C19orf44: variants seen among roughly 807,000 people sequenced by gnomAD.
The protein encoded by C19orf44 is chromosome 19 open reading frame 44.
A neutral mutation model predicts 50.7 loss-of-function variants in C19orf44; 43 were observed. The ratio of observed to expected loss-of-function variants is 0.85; its 90% confidence interval spans 0.66 to 1.09. The LOEUF is 1.09. C19orf44 is among the 50% of genes least tolerant of loss of function. The probability of loss-of-function intolerance (pLI) is 0.00; values close to 1 mark genes in which losing one functional copy is unlikely to be tolerated. For missense variants in C19orf44, 722 were observed against 836.2 expected (o/e 0.86, Z 1.68); for synonymous variants, 298 against 334.7 (o/e 0.89, Z 1.20).
chr19:16,511,635 C>T (rs1198047911), intron 5 of C19orf44, among the ~76,000 whole-genome samples: 4 of 151,560 alleles, frequency 2.6e-5, no homozygotes, highest in African/African-American at 4.8e-5. Flanking sequence ...GGCTGGAGTG[C>T]GGTGGCACAA....
intron 8 of C19orf44, among the ~76,000 whole-genome samples, chr19:16,517,723 G>T (rs1398610242): frequency 6.6e-6 from 1 of 152,208 alleles, no homozygotes; most frequent in African/African-American, 2.4e-5. Flanking sequence ...CAGGGTGGAT[G>T]GGAGAAGCCC....
chr19:16,513,493 C>T (rs1196924949), intron 6 of C19orf44, among the ~76,000 whole-genome samples: 1 of 152,156 alleles, frequency 6.6e-6, no homozygotes, highest in Admixed American at 6.5e-5. Context: ...AAGCGATTCT[C>T]CTGCCTCAGC....
At position 16,496,408 on chromosome 19, in the gene C19orf44, C is replaced by CAGG; in HGVS notation, c.-59_-58insAGG. 2.0e-6 allele frequency: 1 copy of CAGG among 493,816 alleles called. No homozygotes were observed. The highest frequency in any genetic ancestry group is 3.7e-6 in the Non-Finnish European group (1 of 271,186). 30.6% of individuals were successfully genotyped at this position (493,816 alleles called of 1,614,324 possible). The stretch of plus-strand genomic sequence containing the variant: ...GCTCTGGCTCTGTTGCCCAGGGCAA[C>CAGG]CGCTCCTTCAGGCGTGAATGTGGCG... On this transcript the variant is annotated 5_prime_UTR_variant, in exon 1 of 9. Coordinates refer to ENST00000221671, the MANE Select transcript of C19orf44 (RefSeq NM_032207.4).
Position 16,519,710 on chromosome 19 carries a change from G to A in C19orf44, c.*41-384G>A. 1 of 1,613,342 alleles carries A rather than the reference G, an allele frequency of 6.2e-7. No individual in the cohort carries two copies. Among genetic ancestry groups the A allele is most frequent in the South Asian group, 1.1e-5 (1 of 91,062 alleles). ...CGCCGAATTAGAACCCAGACCAGCA[G>A]AGGAACTAAAATCGAGACAGGTTAT... On this transcript the variant is annotated intron_variant, in intron 8 of 8. Transcript: ENST00000221671. The surrounding 1 kb of genome is among the most constrained non-coding windows in gnomAD (Gnocchi z 6.0).
intron 7 of C19orf44, among the ~76,000 whole-genome samples, chr19:16,516,562 T>C (rs888811712): frequency 6.6e-6 from 1 of 152,242 alleles, no homozygotes; most frequent in Non-Finnish European, 1.5e-5. Context: ...CTATCCGATA[T>C]GTCCTTTGAG....
chr19:16,503,746 G>A (rs142040182), intron 3 of C19orf44, among the ~76,000 whole-genome samples: 76 of 152,244 alleles, frequency 5.0e-4, no homozygotes, highest in South Asian at 3.3e-3. Context: ...TGTACTCTTT[G>A]TGGAGACCAG....
intron 6 of C19orf44, among the ~76,000 whole-genome samples, chr19:16,513,516 T>C (rs1174757258): frequency 6.6e-6 from 1 of 152,094 alleles, no homozygotes; most frequent in Admixed American, 6.6e-5. Context: ...CCCGAGTAGC[T>C]GGGATTACAG....
chr19:16,516,296 T>TAA (rs1228571889), intron 7 of C19orf44, among the ~76,000 whole-genome samples: 4 of 151,978 alleles, frequency 2.6e-5, no homozygotes, highest in Non-Finnish European at 4.4e-5. Context: ...AAAACTAGTT[T>TAA]AAGTTTAGCA....
chr19:16,509,355 T>C, intron 4 of C19orf44, 144 bp from the exon 5 acceptor site: 1 of 1,117,482 alleles, frequency 8.9e-7, no homozygotes, highest in Non-Finnish European at 1.3e-6. Flanking sequence ...TTTAGAATAC[T>C]CCGTGCCCAC....
Position 16,503,392 on chromosome 19 carries a change from C to T in C19orf44, c.1075+12C>T. On this transcript the variant is annotated intron_variant, in intron 3 of 8. Transcript: ENST00000221671. ...TGACAGCCTCGACGGTAATCCCAGT[C>T]CCGGTGCAAAGCCAGTACCTTGGGC... 5 of 1,600,422 alleles carry T rather than the reference C, an allele frequency of 3.1e-6. No individual in the cohort carries two copies. The Admixed American group carries it at 8.4e-5, about 27-fold the overall frequency.
At chr19:16,508,020 T>C (rs1202002375) in intron 4 of C19orf44, among the ~76,000 whole-genome samples, 5 of 151,176 alleles carry the variant, frequency 3.3e-5, no homozygotes, top group African/African-American at 7.3e-5. Context: ...TTAGCCAGGA[T>C]AGTCTCGATC....
At position 16,501,058 on chromosome 19, in the gene C19orf44, G is replaced by A. The variant is rs139101226; in HGVS notation, c.266G>A (p.Arg89Gln). Residue 89 changes from arginine (R) to glutamine (Q), a missense_variant, in exon 2 of 9, where the codon CGA becomes CAA. Physicochemically the swap from Arg to Gln is conservative, Grantham distance 43. Transcript: ENST00000221671. ...CRPPTTASRI[R>Q]ANAALMKLAQ... Reference sequence around the variant, plus strand: ...CCGCCCACCACTGCCTCCAGGATCCGAGCCAATGCCGCACTCATGAAGCTG... The same window carrying A: ...CCGCCCACCACTGCCTCCAGGATCCAAGCCAATGCCGCACTCATGAAGCTG... The A allele has an allele frequency of 6.2e-6, 10 of 1,613,982 alleles. No individual in the cohort carries two copies. The African/African-American group carries it at 1.3e-4, about 22-fold the overall frequency.
Position 16,509,880 on chromosome 19 carries a change from C to G in C19orf44, c.1531C>G (p.Gln511Glu), listed in dbSNP as rs758660986. ...TTCAAGTGTGAAGACAGACCTTCCA[C>G]AAACAGCCGAGTCTAGGAAAAAGTC... ...SSSSVKTDLP[Q>E]TAESRKKSGR... is the part of the protein sequence containing the mutation. The change falls in exon 5 of 9, where the codon CAA becomes GAA. Residue 511 changes from glutamine to glutamate, a missense_variant. Physicochemically the swap from Gln to Glu is conservative, Grantham distance 29. Transcript: ENST00000221671. The G allele has an allele frequency of 3.7e-6, 6 of 1,614,142 alleles. No homozygotes were observed. In the East Asian group the frequency reaches 1.3e-4, roughly 36 times the overall value.
At chr19:16,498,221 A>G (rs1025147299) in intron 1 of C19orf44, among the ~76,000 whole-genome samples, 1 of 152,178 alleles carries the variant, frequency 6.6e-6, no homozygotes, top group Admixed American at 6.6e-5. Context: ...TGAGGAACCA[A>G]CTGTTTTCCA....
chr19:16,500,621 G>A (rs1568491416), intron 1 of C19orf44, among the ~76,000 whole-genome samples, 171 bp from the exon 2 acceptor site: 1 of 152,122 alleles, frequency 6.6e-6, no homozygotes, highest in South Asian at 2.1e-4. Flanking sequence ...GGGATTACAG[G>A]TGTGAGCCAC....
chr19:16,519,595 G>GCGCCCTCCCCATTCCCT lies in C19orf44; in HGVS notation c.*41-494_*41-478dup. On this transcript the variant is annotated intron_variant, in intron 8 of 8. Transcript: ENST00000221671. The surrounding 1 kb of genome is among the most constrained non-coding windows in gnomAD (Gnocchi z 6.0). ...CCCAGCACGCGTGAGGACCCATCCC[G>GCGCCCTCCCCATTCCCT]CGCCCTCCCCATTCCCTCGCCTTAC... is the stretch of plus-strand genomic sequence containing the variant. 6.3e-7 allele frequency: 1 copy of GCGCCCTCCCCATTCCCT among 1,597,032 alleles called. No homozygotes were observed. The highest frequency in any genetic ancestry group is 8.6e-7 in the Non-Finnish European group (1 of 1,164,600).
In C19orf44 at chr19:16,514,434, G is replaced by A. The variant is rs190163256; in HGVS notation, c.1736-63G>A. ...GAGCAGCCTGGCACCTGAGCGGTGG[G>A]GGGGGGGCTGCAGAATTTGTGGGGC... On this transcript the variant is annotated intron_variant, in intron 6 of 8. Transcript: ENST00000221671. The A allele has an allele frequency of 2.0e-4, 289 of 1,469,020 alleles. 1 individual carries two copies. Among genetic ancestry groups the A allele is most frequent in the African/African-American group, 1.6e-3 (110 of 70,320 alleles). The allele number at this position is 1,469,020 out of a possible 1,614,324, so 91.0% of individuals were successfully genotyped here. A position where few individuals can be genotyped will look rare whatever the true frequency, so the allele number is the denominator to read the frequency against.
Position 16,521,196 on chromosome 19 carries a change from G to A in C19orf44, c.*1143G>A, listed in dbSNP as rs2085611591. On this transcript the variant is annotated 3_prime_UTR_variant, in exon 9 of 9. Transcript: ENST00000221671. ...TGGGAAACAGGAACACTGACTCATG[G>A]GTGGACAGGCCTGCAGCCCAGCACA... 1 of 581,520 alleles carries A rather than the reference G, an allele frequency of 1.7e-6. No individual in the cohort carries two copies. Among genetic ancestry groups the A allele is most frequent in the Non-Finnish European group, 3.1e-6 (1 of 325,142 alleles). 36.0% of individuals were successfully genotyped at this position (581,520 alleles called of 1,614,324 possible). A position where few individuals can be genotyped will look rare whatever the true frequency, so the allele number is the denominator to read the frequency against.
chr19:16,501,573 A>G (rs1222906061), intron 2 of C19orf44, 22 bp downstream of exon 2: 3 of 1,324,728 alleles, frequency 2.3e-6, no homozygotes, highest in Non-Finnish European at 2.9e-6. Context: ...TTTTTTTGGT[A>G]AATTTATTTT....
Sources: gnomAD v4.1 joint callset for allele counts (sites outside exome capture counted in the v4.1 genomes callset) on GRCh38, gnomAD v4.1.1 for gene constraint, Gnocchi (gnomAD v3.1) non-coding constraint, MANE v1.5 for transcripts, NCBI Gene and HGNC (gene_info 2026-07-23, HGNC 2026-07-21) for gene names.